The following FRMD4A variants were observed in gnomAD, a reference collection of about 807,000 sequenced individuals.
FRMD4A encodes the protein FERM domain containing 4A, also known as FERM domain-containing protein 4A.
In FRMD4A, 29 loss-of-function variants were observed where a neutral mutation model predicts 129.1. The observed-to-expected ratio is 0.22, with a 90% CI of 0.17 to 0.31. The LOEUF is 0.31. Among genes scored for constraint, FRMD4A ranks in the 10% least tolerant of loss-of-function variants. The pLI, the probability that FRMD4A is intolerant of heterozygous loss-of-function variation, is 1.00. For missense variants in FRMD4A, 1,272 were observed against 1,375.8 expected (o/e 0.92, Z 1.19); for synonymous variants, 634 against 571.6 (o/e 1.11, Z -1.56).
chr10:14,307,563 C>T (rs957694654), intron 2 of FRMD4A, among the ~76,000 whole-genome samples: 1 of 152,224 alleles, frequency 6.6e-6, no homozygotes, highest in Admixed American at 6.5e-5. Context: ...GAGCATCTCT[C>T]TCACCTGCTA....
chr10:13,747,688 C>T lies in FRMD4A; in HGVS notation c.548+48G>A, dbSNP rs370465760. ...TACATTCAGTTGTCCTGTGTCCCCT[C>T]GCACCCCGAGAGGGACTCGCTCCTG... On this transcript the variant is annotated intron_variant, in intron 9 of 24. Transcript: ENST00000357447. The T allele has an allele frequency of 2.7e-5, 27 of 1,003,992 alleles. No homozygotes were observed. In the Middle Eastern group the frequency reaches 1.1e-3, roughly 39 times the overall value. The allele number at this position is 1,003,992 out of a possible 1,614,324, so 62.2% of individuals were successfully genotyped here.
At chr10:13,815,964 A>G (rs554587440) in intron 3 of FRMD4A, among the ~76,000 whole-genome samples, 2 of 152,354 alleles carry the variant, frequency 1.3e-5, no homozygotes, top group South Asian at 4.1e-4. Flanking sequence ...TCACACTACA[A>G]TAAGAAAACA....
rs369444409 is a variant in FRMD4A, at chr10:14,020,941, T to C, written c.46-162029A>G. Among the ~76,000 whole-genome samples the C allele has an allele frequency of 3.4e-3, 510 of 152,234 alleles. 1 individual carries two copies. The highest frequency in any genetic ancestry group is 0.012 in the African/African-American group (489 of 41,538). ...CCTTTTCTAGGGGCAAGGCAAGGGA[T>C]GAAGAGAACTGACCTACCATGTGCC... On this transcript the variant is annotated intron_variant, in intron 2 of 24. Transcript: ENST00000357447.
intron 2 of FRMD4A, among the ~76,000 whole-genome samples, chr10:14,008,776 A>G (rs1044670085): frequency 6.6e-6 from 1 of 152,214 alleles, no homozygotes; most frequent in African/African-American, 2.4e-5. Context: ...CTTTGAAATC[A>G]TAAATTCTAT....
At chr10:13,926,412 G>T (rs569943464) in intron 2 of FRMD4A, among the ~76,000 whole-genome samples, 2 of 152,220 alleles carry the variant, frequency 1.3e-5, no homozygotes, top group South Asian at 2.1e-4. Context: ...TTTGTGATGG[G>T]TATTGATTAG....
intron 2 of FRMD4A, among the ~76,000 whole-genome samples, chr10:14,003,835 A>G (rs1228717133): frequency 1.3e-5 from 2 of 152,240 alleles, no homozygotes; most frequent in Admixed American, 1.3e-4. Context: ...TCGTATTGCA[A>G]AGTTATAGCA....
At chr10:13,782,797 G>A (rs117589779) in intron 6 of FRMD4A, 125 bp downstream of exon 6, 19,481 of 680,524 alleles carry the variant, frequency 0.029, 388 homozygotes, top group Non-Finnish European at 0.038. Context: ...TTTATTTATA[G>A]TAATTAATTT....
chr10:14,252,768 C>T (rs889086149), intron 2 of FRMD4A, among the ~76,000 whole-genome samples: 7 of 152,198 alleles, frequency 4.6e-5, no homozygotes, highest in Non-Finnish European at 1.5e-5. Flanking sequence ...ACTTTGAGAC[C>T]ATGTAAATAT....
At chr10:14,132,803 C>G (rs547380206) in intron 2 of FRMD4A, among the ~76,000 whole-genome samples, 1 of 152,338 alleles carries the variant, frequency 6.6e-6, no homozygotes, top group African/African-American at 2.4e-5. Flanking sequence ...GCTCTGCCCT[C>G]TGGGAGTCAC....
chr10:14,000,966 C>G (rs937006633), intron 2 of FRMD4A, among the ~76,000 whole-genome samples: 1 of 152,154 alleles, frequency 6.6e-6, no homozygotes, highest in African/African-American at 2.4e-5. Flanking sequence ...TTTCAAGGAG[C>G]CTAAATAGTT....
chr10:13,676,934 A>T (rs886773028), intron 15 of FRMD4A, among the ~76,000 whole-genome samples: 2 of 152,214 alleles, frequency 1.3e-5, no homozygotes, highest in African/African-American at 4.8e-5. Flanking sequence ...CAATTTTAGT[A>T]AACAGATGAG....
intron 2 of FRMD4A, among the ~76,000 whole-genome samples, chr10:14,033,778 CAGAAAGAG>C (rs1317313816): frequency 4.7e-5 from 4 of 84,350 alleles, no homozygotes; most frequent in Non-Finnish European, 1.0e-4. Context: ...TAGCAAAACT[CAGAAAGAG>C]AGAGAGAGAG....
chr10:13,702,600 T>C (rs1306499354), intron 13 of FRMD4A, among the ~76,000 whole-genome samples: 2 of 151,588 alleles, frequency 1.3e-5, no homozygotes, highest in African/African-American at 2.4e-5. Context: ...GACAGGAAGG[T>C]GGGCTGGGAT....
At chr10:14,053,049 C>T (rs1834339255) in intron 2 of FRMD4A, among the ~76,000 whole-genome samples, 1 of 152,146 alleles carries the variant, frequency 6.6e-6, no homozygotes, top group South Asian at 2.1e-4. Context: ...GAACAAACAT[C>T]CAAACCACAT....
chr10:13,818,229 A>G (rs1036093059), intron 3 of FRMD4A, among the ~76,000 whole-genome samples: 3 of 95,250 alleles, frequency 3.1e-5, no homozygotes, highest in African/African-American at 7.3e-5. Flanking sequence ...CAGTGGTGCC[A>G]TAATATCTCA....
At chr10:13,728,880 C>CTCTTTAGA (rs2135011763) in intron 12 of FRMD4A, among the ~76,000 whole-genome samples, 1 of 152,212 alleles carries the variant, frequency 6.6e-6, no homozygotes, top group Admixed American at 6.5e-5. Flanking sequence ...CCGATGACCA[C>CTCTTTAGA]TCTTTAGAGT....
intron 2 of FRMD4A, among the ~76,000 whole-genome samples, chr10:14,256,684 TTGTTAAAGTATA>T (rs1244506935): frequency 6.6e-6 from 1 of 152,180 alleles, no homozygotes; most frequent in Non-Finnish European, 1.5e-5. Context: ...AACGGAATTT[TTGTTAAAGTATA>T]TGTGGGCTGG....
chr10:14,098,446 C>T (rs1277006393), intron 2 of FRMD4A, among the ~76,000 whole-genome samples: 2 of 151,854 alleles, frequency 1.3e-5, no homozygotes. Flanking sequence ...CTCTGTCACC[C>T]AGGCTGGAGT....
intron 2 of FRMD4A, among the ~76,000 whole-genome samples, chr10:14,160,886 G>C (rs969710356): frequency 5.9e-5 from 9 of 152,156 alleles, no homozygotes; most frequent in African/African-American, 2.2e-4. Context: ...AGGATGTGGA[G>C]AAAAGGGAAT....
Sources: allele counts gnomAD v4.1 joint callset (sites outside exome capture counted in the v4.1 genomes callset), GRCh38; gene constraint gnomAD v4.1.1; transcripts MANE v1.5; gene names NCBI Gene and HGNC (gene_info 2026-07-23, HGNC 2026-07-21).